The following MAPK8IP3 variants were observed in gnomAD, a reference collection of about 807,000 sequenced individuals.
MAPK8IP3 encodes the protein C-Jun-amino-terminal kinase-interacting protein 3.
In MAPK8IP3, 49 loss-of-function variants were observed where a neutral mutation model predicts 157.8. The observed-to-expected ratio is 0.31, with a 90% confidence interval of 0.25 to 0.39. MAPK8IP3 has a LOEUF of 0.39. Among genes scored for constraint, MAPK8IP3 ranks in the 10% least tolerant of loss-of-function variants. MAPK8IP3 has a pLI of 1.00. For missense variants in MAPK8IP3, 1,478 were observed against 1,889.4 expected (o/e 0.78, Z 4.04); for synonymous variants, 897 against 777.7 (o/e 1.15, Z -2.55).
intron 1 of MAPK8IP3, among the ~76,000 whole-genome samples, chr16:1,723,275 T>G (rs1419827545): frequency 6.6e-6 from 1 of 151,822 alleles, no homozygotes; most frequent in East Asian, 2.0e-4. Flanking sequence ...GCTCACATGA[T>G]CCATCTGCCT....
chr16:1,757,145 G>A (rs977321090), intron 8 of MAPK8IP3, among the ~76,000 whole-genome samples: 4 of 151,816 alleles, frequency 2.6e-5, no homozygotes, highest in East Asian at 1.9e-4. Context: ...TTGCTCTGTC[G>A]CCCAGGCTGG....
At chr16:1,737,223 C>T (rs1204520310) in intron 4 of MAPK8IP3, among the ~76,000 whole-genome samples, 1 of 78,068 alleles carries the variant, frequency 1.3e-5, no homozygotes, top group East Asian at 5.2e-4. Flanking sequence ...AGAGTGTGAC[C>T]ATCCATGTAA....
chr16:1,707,216 T>C (rs1346166484), intron 1 of MAPK8IP3: 3 of 152,734 alleles, frequency 2.0e-5, no homozygotes, highest in Non-Finnish European at 4.4e-5. Flanking sequence ...CTGTGGATGA[T>C]GTTGGAGACC....
chr16:1,738,499 C>T (rs373974969), intron 4 of MAPK8IP3, among the ~76,000 whole-genome samples: 2 of 100,758 alleles, frequency 2.0e-5, no homozygotes, highest in Non-Finnish European at 3.8e-5. Context: ...TGTGACCGTC[C>T]GTGTGTGTGA....
chr16:1,736,096 ATGTGAGCATCCG>A (rs1359607726), intron 4 of MAPK8IP3, among the ~76,000 whole-genome samples: 1 of 85,982 alleles, frequency 1.2e-5, no homozygotes, highest in Non-Finnish European at 2.2e-5. Flanking sequence ...GTGACCGTCC[ATGTGAGCATCCG>A]TGTGACCGTC....
Position 1,766,583 on chromosome 16 carries a change from C to A in MAPK8IP3, c.2874C>A (p.Ser958Arg), listed in dbSNP as rs747118322. 1 of 1,612,376 alleles carries A rather than the reference C, an allele frequency of 6.2e-7. No individual in the cohort carries two copies. The highest frequency in any genetic ancestry group is 8.5e-7 in the Non-Finnish European group (1 of 1,179,858). Residue 958 changes from serine to arginine, a missense_variant, in exon 23 of 32, where the codon AGC becomes AGA. Ser to Arg is a moderately radical substitution (Grantham distance 110). Transcript: ENST00000610761. Reference protein sequence around the residue: ...SSSTRPEPEPSGDPTGAGSSA... With the variant: ...SSSTRPEPEPRGDPTGAGSSA... ...GCACACGGCCAGAGCCAGAGCCCAG[C>A]GGGGACCCCACGGGAGCAGGCAGCA...
At chr16:1,765,894 G>A (rs2042228129) in intron 20 of MAPK8IP3, 66 bp from the exon 21 acceptor site, 3 of 1,449,326 alleles carry the variant, frequency 2.1e-6, no homozygotes, top group South Asian at 1.3e-5. Flanking sequence ...CCCTGTGTAA[G>A]TGCTGGGCAC....
In MAPK8IP3 at chr16:1,724,520, T is replaced by A. The variant is rs1218768496; in HGVS notation, c.319-37T>A. ...TGAAAGGCGGCTGCTCCACACTCAC[T>A]CCTGATGACTGCTCTTTCCCTCCCT... On this transcript the variant is annotated intron_variant, in intron 1 of 31. Transcript: ENST00000610761. The surrounding 1 kb of genome is among the most constrained non-coding windows in gnomAD (Gnocchi z 4.1). 1.2e-6 allele frequency: 2 copies of A among 1,607,708 alleles called. No individual in the cohort carries two copies. The highest frequency in any genetic ancestry group is 1.7e-6 in the Non-Finnish European group (2 of 1,177,916).
intron 2 of MAPK8IP3, among the ~76,000 whole-genome samples, chr16:1,725,179 AT>A (rs2038790929): frequency 1.3e-5 from 2 of 149,286 alleles, no homozygotes; most frequent in Non-Finnish European, 3.0e-5. Context: ...TATTATTATT[AT>A]TATTATAAGA....
Position 1,748,650 on chromosome 16 carries a change from C to T in MAPK8IP3, c.1146C>T (p.Ser382=). 6.2e-7 allele frequency: 1 copy of T among 1,614,198 alleles called. No homozygotes were observed. The highest frequency in any genetic ancestry group is 8.5e-7 in the Non-Finnish European group (1 of 1,180,046). ...AAGCTTTCGGCATCAACACCGACTC[C>T]CTGTACCATGAGCTGTCGACGGCAG... ...VNKAFGINTD[S]LYHELSTAGS... is the part of the protein sequence containing the mutation. The change falls in exon 8 of 32, where the codon TCC becomes TCT. Residue 382 remains serine, a synonymous_variant. Coordinates refer to ENST00000610761, the MANE Select transcript of MAPK8IP3 (RefSeq NM_001318852.2).
Position 1,737,221 on chromosome 16 carries a change from ACCAT to A in MAPK8IP3, c.603-6106_603-6103del, listed in dbSNP as rs1482022024. ...GCGTGTGACCATCCGTGAGAGTGTGACCATCCATGTAAGCATCCGTGTGACCGTG... is the reference window on the plus strand; with the variant it reads ...GCGTGTGACCATCCGTGAGAGTGTGACCATGTAAGCATCCGTGTGACCGTG... On this transcript the variant is annotated intron_variant, in intron 4 of 31. Transcript: ENST00000610761. 5.5e-5 allele frequency among the ~76,000 whole-genome samples: 4 copies of A among 73,304 alleles called. 1 individual carries two copies. The highest frequency in any genetic ancestry group is 8.0e-4 in the South Asian group (1 of 1,252). The allele number at this position is 73,304 out of a possible 152,430, so 48.1% of individuals were successfully genotyped here.
intron 20 of MAPK8IP3, 56 bp downstream of exon 20, chr16:1,765,234 C>T (rs187355472): frequency 2.2e-4 from 343 of 1,528,942 alleles, no homozygotes; most frequent in Admixed American, 9.1e-4. Context: ...TACTAGCAAG[C>T]TAAGTAAAAG....
chr16:1,711,315 TTA>T (rs201376941), intron 1 of MAPK8IP3, among the ~76,000 whole-genome samples: 1 of 152,182 alleles, frequency 6.6e-6, no homozygotes, highest in Non-Finnish European at 1.5e-5. Flanking sequence ...TTCTCTGCTC[TTA>T]TTGACCTTGA....
chr16:1,757,731 G>GTCTCCCTCGCCGCTC (rs374211597), intron 8 of MAPK8IP3, among the ~76,000 whole-genome samples: 2 of 152,190 alleles, frequency 1.3e-5, no homozygotes, highest in African/African-American at 4.8e-5. Context: ...CGTCTGCGGT[G>GTCTCCCTCGCCGCTC]TCTCCCTCGC....
At chr16:1,765,897 C>A in intron 20 of MAPK8IP3, 63 bp from the exon 21 acceptor site, 1 of 1,462,178 alleles carries the variant, frequency 6.8e-7, no homozygotes, top group Non-Finnish European at 9.3e-7. Context: ...TGTGTAAGTG[C>A]TGGGCACGCC....
chr16:1,756,366 C>T (rs1447470238), intron 8 of MAPK8IP3, among the ~76,000 whole-genome samples: 1 of 151,702 alleles, frequency 6.6e-6, no homozygotes, highest in African/African-American at 2.4e-5. Context: ...CTTAGCTGGG[C>T]ATGGTGGTGT....
In MAPK8IP3 at chr16:1,769,999, C is replaced by G. The variant is rs920969454; in HGVS notation, c.*1175C>G. 3.3e-5 allele frequency: 5 copies of G among 152,466 alleles called. No homozygotes were observed. The highest frequency in any genetic ancestry group is 5.9e-5 in the Non-Finnish European group (4 of 68,190). 9.4% of individuals were successfully genotyped at this position (152,466 alleles called of 1,614,324 possible). On this transcript the variant is annotated 3_prime_UTR_variant, in exon 32 of 32. Coordinates refer to ENST00000610761, the MANE Select transcript of MAPK8IP3 (RefSeq NM_001318852.2). The stretch of plus-strand genomic sequence containing the variant: ...CCTACCTTCCAGGCCCACTGCACTC[C>G]TGTCTGGGAGGCCCTTATGAGGGCA...
At chr16:1,757,845 G>T (rs555997284) in intron 8 of MAPK8IP3, among the ~76,000 whole-genome samples, 5 of 152,294 alleles carry the variant, frequency 3.3e-5, no homozygotes, top group Admixed American at 2.6e-4. Context: ...TGGGGGCTGC[G>T]GGGGGCCTGC....
At position 1,724,784 on chromosome 16, in the gene MAPK8IP3, G is replaced by T; in HGVS notation, c.439+107G>T. ...CTTCCACACAAGGGGACGAGAGGAA[G>T]CCCAGTGGGAGCCTCAGCCATGTAT... On this transcript the variant is annotated intron_variant, in intron 2 of 31. Transcript: ENST00000610761. This position sits in a 1 kb window ranked among gnomAD's most constrained non-coding sequence, Gnocchi z 4.1. 1.4e-6 allele frequency: 2 copies of T among 1,439,344 alleles called. No homozygotes were observed. Among genetic ancestry groups the T allele is most frequent in the Non-Finnish European group, 9.4e-7 (1 of 1,068,468 alleles). 89.2% of individuals were successfully genotyped at this position (1,439,344 alleles called of 1,614,324 possible).
Sources: gnomAD v4.1 joint callset for allele counts (sites outside exome capture counted in the v4.1 genomes callset) on GRCh38, gnomAD v4.1.1 for gene constraint, Gnocchi (gnomAD v3.1) non-coding constraint, MANE v1.5 for transcripts, NCBI Gene and HGNC (gene_info 2026-07-23, HGNC 2026-07-21) for gene names.